The following RERG variants were observed in gnomAD, a reference collection of about 807,000 sequenced individuals.
The protein encoded by RERG is RAS like estrogen regulated growth inhibitor.
A neutral mutation model predicts 23.2 loss-of-function variants in RERG; 25 were observed. The observed-to-expected ratio is 1.08, with a 90% CI of 0.79 to 1.50. The LOEUF (loss-of-function observed/expected upper bound fraction) is 1.50, where lower values mean the gene tolerates loss of function less well. Among genes scored for constraint, RERG ranks in the 40% most tolerant of loss-of-function variants. The pLI, the probability that RERG is intolerant of heterozygous loss-of-function variation, is 0.00. For synonymous variants in RERG, 81 were observed against 89.1 expected (o/e 0.91, Z 0.51); for missense variants, 253 against 250.1 (o/e 1.01, Z -0.08).
rs1311846472 is a variant in RERG at position 15,211,514 on chromosome 12, A to G, written c.61+5915T>C. Among the ~76,000 whole-genome samples the G allele has an allele frequency of 5.9e-5, 9 of 152,310 alleles. No homozygotes were observed. In the South Asian group the frequency reaches 1.5e-3, roughly 25 times the overall value. On this transcript the variant is annotated intron_variant, in intron 2 of 4. Coordinates refer to ENST00000256953, the MANE Select transcript of RERG (RefSeq NM_032918.3). ...AGACACAGAGAGTGGAACAGTGGTT[A>G]ACGTCACTGGGAGGGGTATCAGTGG...
At chr12:15,182,516 G>A (rs1197423144) in intron 2 of RERG, among the ~76,000 whole-genome samples, 1 of 152,002 alleles carries the variant, frequency 6.6e-6, no homozygotes, top group African/African-American at 2.4e-5. Context: ...TTGACTCAAA[G>A]ATATAATATC....
At chr12:15,176,029 T>C (rs775773663) in intron 2 of RERG, among the ~76,000 whole-genome samples, 30 of 152,206 alleles carry the variant, frequency 2.0e-4, no homozygotes, top group Non-Finnish European at 4.0e-4. Flanking sequence ...TTACAAGACT[T>C]TGTTAATTTC....
chr12:15,177,846 T>A (rs1864873067), intron 2 of RERG, among the ~76,000 whole-genome samples: 1 of 150,832 alleles, frequency 6.6e-6, no homozygotes, highest in Admixed American at 6.6e-5. Context: ...TTTGTTTTTT[T>A]TTTTTTTTTT....
At chr12:15,177,240 G>T (rs922194846) in intron 2 of RERG, among the ~76,000 whole-genome samples, 2 of 152,162 alleles carry the variant, frequency 1.3e-5, no homozygotes, top group African/African-American at 4.8e-5. Flanking sequence ...ATCACCTGAG[G>T]TCAAGAGTTC....
intron 2 of RERG, among the ~76,000 whole-genome samples, chr12:15,124,961 G>A (rs1294750224): frequency 6.6e-6 from 1 of 151,636 alleles, no homozygotes; most frequent in Non-Finnish European, 1.5e-5. Context: ...ACCCTATAAA[G>A]ACCCTTGATA....
At chr12:15,181,301 G>A (rs1864919839) in intron 2 of RERG, among the ~76,000 whole-genome samples, 1 of 152,186 alleles carries the variant, frequency 6.6e-6, no homozygotes, top group South Asian at 2.1e-4. Context: ...AACAATATGT[G>A]AAATATTAAG....
Position 15,108,054 on chromosome 12 carries a change from GTC to G in RERG, c.*1054_*1055del. 6.5e-6 allele frequency: 1 copy of G among 152,684 alleles called. No individual in the cohort carries two copies. Among genetic ancestry groups the G allele is most frequent in the African/African-American group, 2.4e-5 (1 of 41,550 alleles). 9.5% of individuals were successfully genotyped at this position (152,684 alleles called of 1,614,324 possible). On this transcript the variant is annotated 3_prime_UTR_variant, in exon 5 of 5. Coordinates refer to ENST00000256953, the MANE Select transcript of RERG (RefSeq NM_032918.3). ...TAGACTGTACTTTCAGAATACAAGA[GTC>G]TGTTTTAGACACATTTATTCAGCTG...
chr12:15,176,424 C>CT (rs1016661088), intron 2 of RERG, among the ~76,000 whole-genome samples: 1 of 152,036 alleles, frequency 6.6e-6, no homozygotes, highest in Non-Finnish European at 1.5e-5. Flanking sequence ...TTTAGTTATG[C>CT]TTTTTTTAAC....
intron 1 of RERG, among the ~76,000 whole-genome samples, chr12:15,220,350 T>A (rs1265164230): frequency 6.6e-6 from 1 of 152,216 alleles, no homozygotes; most frequent in South Asian, 2.1e-4. Flanking sequence ...TAGGTTTTTT[T>A]TTCCCTAAAC....
At chr12:15,186,016 C>T (rs1864985063) in intron 2 of RERG, among the ~76,000 whole-genome samples, 1 of 151,590 alleles carries the variant, frequency 6.6e-6, no homozygotes, top group South Asian at 2.1e-4. Flanking sequence ...TAAAAATGGA[C>T]AATATTTTAG....
At chr12:15,196,556 G>C (rs1865147148) in intron 2 of RERG, among the ~76,000 whole-genome samples, 1 of 152,158 alleles carries the variant, frequency 6.6e-6, no homozygotes, top group Non-Finnish European at 1.5e-5. Flanking sequence ...TCCCAAGACT[G>C]TAGACCTTGC....
In RERG at chr12:15,109,372, A is replaced by T. The variant is rs898013197; in HGVS notation, c.338T>A (p.Leu113His). Reference protein sequence around the residue: ...DEIKKPKNVTLILVGNKADLD... With the variant: ...DEIKKPKNVTHILVGNKADLD... Reference sequence around the variant, plus strand: ...GTCAGCTTTGTTTCCAACCAAGATGAGAGTCACATTCTTGGGCTTTTTGAT... The same window carrying T: ...GTCAGCTTTGTTTCCAACCAAGATGTGAGTCACATTCTTGGGCTTTTTGAT... The change falls in exon 5 of 5, where the codon CTC (leucine) becomes CAC (histidine). Residue 113 changes from leucine (L) to histidine (H), a missense_variant. Coordinates refer to ENST00000256953, the MANE Select transcript of RERG (RefSeq NM_032918.3). 6.2e-7 allele frequency: 1 copy of T among 1,614,038 alleles called. No individual in the cohort carries two copies.
intron 4 of RERG, among the ~76,000 whole-genome samples, chr12:15,109,859 T>G (rs1388346647): frequency 1.3e-5 from 2 of 152,232 alleles, no homozygotes; most frequent in African/African-American, 4.8e-5. Context: ...TCATCACAAT[T>G]AAGGACTTAG....
chr12:15,124,695 T>C (rs181777202), intron 2 of RERG, among the ~76,000 whole-genome samples: 17 of 152,174 alleles, frequency 1.1e-4, no homozygotes, highest in African/African-American at 3.4e-4. Flanking sequence ...CTTTGTAGCA[T>C]ACAACAATAA....
intron 2 of RERG, among the ~76,000 whole-genome samples, chr12:15,138,538 C>G (rs1464446026): frequency 6.6e-6 from 1 of 151,984 alleles, no homozygotes; most frequent in African/African-American, 2.4e-5. Flanking sequence ...TAATATCTAG[C>G]ATTTCTTTAG....
intron 2 of RERG, among the ~76,000 whole-genome samples, chr12:15,210,354 C>T (rs2136146977): frequency 6.6e-6 from 1 of 152,260 alleles, no homozygotes; most frequent in Admixed American, 6.5e-5. Flanking sequence ...AAATAAAGGA[C>T]AATTGAATTT....
intron 2 of RERG, among the ~76,000 whole-genome samples, chr12:15,133,047 T>G (rs1035189600): frequency 3.4e-5 from 5 of 146,696 alleles, no homozygotes; most frequent in Non-Finnish European, 6.0e-5. Context: ...GTAACTTTTT[T>G]TTTTTTTTTA....
At chr12:15,172,341 A>C (rs1015139251) in intron 2 of RERG, among the ~76,000 whole-genome samples, 1 of 152,172 alleles carries the variant, frequency 6.6e-6, no homozygotes, top group Non-Finnish European at 1.5e-5. Flanking sequence ...ATAATATTCC[A>C]TTATATGAAT....
intron 2 of RERG, among the ~76,000 whole-genome samples, chr12:15,134,218 T>C (rs1209558739): frequency 6.6e-6 from 1 of 152,216 alleles, no homozygotes; most frequent in African/African-American, 2.4e-5. Flanking sequence ...AGGAGTTTCA[T>C]AGTTTTACCA....
Sources: allele counts gnomAD v4.1 joint callset (sites outside exome capture counted in the v4.1 genomes callset), GRCh38; gene constraint gnomAD v4.1.1; transcripts MANE v1.5; gene names NCBI Gene and HGNC (gene_info 2026-07-23, HGNC 2026-07-21).